Variants in CNOT1 observed in about 807,000 individuals in gnomAD.
CNOT1 encodes the protein CCR4-associated factor 1.
A neutral mutation model predicts 273.8 loss-of-function variants in CNOT1; 15 were observed. That is an observed-to-expected ratio of 0.05 (90% CI 0.04 to 0.08). The LOEUF (loss-of-function observed/expected upper bound fraction) is 0.08, where lower values mean the gene tolerates loss of function less well. Among genes scored for constraint, CNOT1 ranks in the 10% least tolerant of loss-of-function variants. The pLI is 1.00. For missense variants in CNOT1, 1,644 were observed against 2,912.2 expected (o/e 0.56, Z 10.02); for synonymous variants, 1,022 against 1,005.5 (o/e 1.02, Z -0.31).
rs148602852 is a variant in CNOT1, at chr16:58,549,776, C to A, written c.3465G>T (p.Thr1155=). The A allele has an allele frequency of 6.2e-7, 1 of 1,613,696 alleles. No individual in the cohort carries two copies. Residue 1155 remains threonine, a synonymous_variant, in exon 25 of 49, where the codon ACG becomes ACT. Transcript: ENST00000317147. ...TCTTGTTAAATTCAGGATTCTTCAG[C>A]GTGTCAAGGAAGTTTGAATACAGGC... is the stretch of plus-strand genomic sequence containing the variant. ...FHSLYSNFLD[T]LKNPEFNKMV... is the part of the protein sequence containing the mutation.
intron 25 of CNOT1, chr16:58,548,754 G>A (rs1352832724): frequency 7.5e-6 from 3 of 402,418 alleles, no homozygotes; most frequent in Admixed American, 3.0e-5. Flanking sequence ...CTTGAATTTT[G>A]TTGAATAAGC....
Position 58,614,023 on chromosome 16 carries a change from C to T in CNOT1, c.-174-14512G>A, listed in dbSNP as rs1286900898. Among the ~76,000 whole-genome samples the T allele has an allele frequency of 5.6e-5, 6 of 107,112 alleles. 2 individuals carry two copies. Among genetic ancestry groups the T allele is most frequent in the Non-Finnish European group, 8.3e-5 (4 of 47,936 alleles). The allele number at this position is 107,112 out of a possible 152,430, so 70.3% of individuals were successfully genotyped here. A position where few individuals can be genotyped will look rare whatever the true frequency, so the allele number is the denominator to read the frequency against. On this transcript the variant is annotated intron_variant, in intron 1 of 48. Coordinates refer to ENST00000317147, the MANE Select transcript of CNOT1 (RefSeq NM_016284.5). ...AGGAGAATGGCGTGAACCCGGGAGG[C>T]GGAGCTTGCAGTGAGCCAAGATCGC...
At chr16:58,592,766 A>G (rs2042107994) in intron 2 of CNOT1, among the ~76,000 whole-genome samples, 1 of 152,236 alleles carries the variant, frequency 6.6e-6, no homozygotes, top group Non-Finnish European at 1.5e-5. Flanking sequence ...CCAATGAGCC[A>G]TGAAAGAAAA....
chr16:58,587,067 G>T, intron 6 of CNOT1, 134 bp downstream of exon 6: 1 of 1,267,412 alleles, frequency 7.9e-7, no homozygotes, highest in Non-Finnish European at 1.1e-6. Flanking sequence ...TATATTACAT[G>T]TTTTTTACCA....
intron 1 of CNOT1, among the ~76,000 whole-genome samples, chr16:58,626,692 G>A (rs552786194): frequency 3.3e-5 from 5 of 151,410 alleles, no homozygotes; most frequent in East Asian, 3.9e-4. Context: ...CCCAGGAGGC[G>A]GAGGTTGTAG....
Position 58,539,924 on chromosome 16 carries a change from A to G in CNOT1, c.4836T>C (p.Tyr1612=). The G allele has an allele frequency of 2.5e-6, 4 of 1,613,244 alleles. No individual in the cohort carries two copies. The highest frequency in any genetic ancestry group is 2.2e-5 in the South Asian group (2 of 90,846). Residue 1612 remains tyrosine (Y), a synonymous_variant, in exon 35 of 49, where the codon TAT becomes TAC. Transcript: ENST00000317147. ...GCTCCAGTTCTGTAATACACTTATC[A>G]TAAATCTGAGCTACATCATCTGTTG... ...AWATDDVAQI[Y]DKCITELEQH...
At chr16:58,597,209 G>A (rs1435315347) in intron 2 of CNOT1, among the ~76,000 whole-genome samples, 1 of 151,932 alleles carries the variant, frequency 6.6e-6, no homozygotes, top group Non-Finnish European at 1.5e-5. Flanking sequence ...CAGCACTTTG[G>A]GAGCCTGTAA....
At position 58,555,836 on chromosome 16, in the gene CNOT1, T is replaced by C; in HGVS notation, c.2552A>G (p.Tyr851Cys). The change falls in exon 20 of 49, where the codon TAT becomes TGT. Residue 851 changes from tyrosine to cysteine, a missense_variant. Physicochemically the swap from Tyr to Cys is radical, Grantham distance 194 (BLOSUM62 -2). Transcript: ENST00000317147. ...SKEIDDEANS[Y>C]FQRIYNHPPH... ...TGGATGATTATATATTCGCTGGAAATAGCTGTTTGCTTCATCATCTATCTC... is the reference window on the plus strand; with the variant it reads ...TGGATGATTATATATTCGCTGGAAACAGCTGTTTGCTTCATCATCTATCTC... 6.2e-7 allele frequency: 1 copy of C among 1,614,042 alleles called. No individual in the cohort carries two copies. Among genetic ancestry groups the C allele is most frequent in the Non-Finnish European group, 8.5e-7 (1 of 1,180,022 alleles).
intron 33 of CNOT1, 71 bp downstream of exon 33, chr16:58,542,157 AAGG>A: frequency 6.5e-7 from 1 of 1,547,936 alleles, no homozygotes; most frequent in Non-Finnish European, 8.8e-7. Context: ...TAATTCCAGT[AAGG>A]AGTTCAATCA....
At chr16:58,549,927 C>T in intron 24 of CNOT1, 29 bp from the exon 25 acceptor site, 1 of 1,610,602 alleles carries the variant, frequency 6.2e-7, no homozygotes, top group South Asian at 1.1e-5. Flanking sequence ...ATGGGAAGCA[C>T]AGAATTACAC....
Position 58,532,696 on chromosome 16 carries a change from T to C in CNOT1, c.5896-301A>G, listed in dbSNP as rs563812651. 5 of 326,674 alleles carry C rather than the reference T, an allele frequency of 1.5e-5. No homozygotes were observed. The East Asian group carries it at 2.9e-4, about 19-fold the overall frequency. The allele number at this position is 326,674 out of a possible 1,614,324, so 20.2% of individuals were successfully genotyped here. A position where few individuals can be genotyped will look rare whatever the true frequency, so the allele number is the denominator to read the frequency against. ...CAGCAAGGCCCCTCACATTTCACCA[T>C]GTTAACACAATATAACAATCTAATT... On this transcript the variant is annotated intron_variant, in intron 40 of 48. Coordinates refer to ENST00000317147, the MANE Select transcript of CNOT1 (RefSeq NM_016284.5).
intron 42 of CNOT1, 177 bp from the exon 43 acceptor site, chr16:58,530,524 T>C: frequency 2.3e-6 from 1 of 433,546 alleles, no homozygotes; most frequent in Non-Finnish European, 4.1e-6. Context: ...GGCTGACGCC[T>C]GTAATCCCAG....
At chr16:58,611,429 C>CA (rs2042895433) in intron 1 of CNOT1, among the ~76,000 whole-genome samples, 1 of 148,290 alleles carries the variant, frequency 6.7e-6, no homozygotes, top group South Asian at 2.2e-4. Flanking sequence ...ACTCCATCTC[C>CA]AAAAAAAATA....
chr16:58,572,284 CAA>C (rs879400589), intron 16 of CNOT1, among the ~76,000 whole-genome samples: 2 of 129,220 alleles, frequency 1.5e-5, no homozygotes, highest in African/African-American at 2.9e-5. Flanking sequence ...AACTCCATCT[CAA>C]AAAAAAAAAA....
At chr16:58,626,626 G>A (rs2043596451) in intron 1 of CNOT1, among the ~76,000 whole-genome samples, 1 of 151,512 alleles carries the variant, frequency 6.6e-6, no homozygotes, top group Non-Finnish European at 1.5e-5. Flanking sequence ...TGGGTGCAGT[G>A]GTGCGCGCCT....
intron 2 of CNOT1, among the ~76,000 whole-genome samples, chr16:58,593,576 A>AC (rs2042140193): frequency 6.6e-6 from 1 of 151,048 alleles, no homozygotes; most frequent in Non-Finnish European, 1.5e-5. Flanking sequence ...GGGAAAAAAA[A>AC]AAAAAAAGTT....
At position 58,580,531 on chromosome 16, in the gene CNOT1, CTTCA is replaced by C. The variant is rs1422973051; in HGVS notation, c.1343+98_1343+101del. 1.5e-5 allele frequency: 21 copies of C among 1,444,954 alleles called. No individual in the cohort carries two copies. In the East Asian group the frequency reaches 5.3e-4, roughly 37 times the overall value. 89.5% of individuals were successfully genotyped at this position (1,444,954 alleles called of 1,614,324 possible). On this transcript the variant is annotated intron_variant, in intron 12 of 48. Coordinates refer to ENST00000317147, the MANE Select transcript of CNOT1 (RefSeq NM_016284.5). ...ATAAGTAAGGTCACTAAAACTACTG[CTTCA>C]TTTAAACCTGTTAACTATGTACTTG...
chr16:58,531,895 A>G, intron 42 of CNOT1, 63 bp downstream of exon 42: 3 of 1,569,424 alleles, frequency 1.9e-6, no homozygotes, highest in Non-Finnish European at 2.6e-6. Flanking sequence ...TCTATAGGCA[A>G]TGCTAATAAA....
Position 58,587,840 on chromosome 16 carries a change from T to C in CNOT1, c.249A>G (p.Thr83=). 1 of 1,613,826 alleles carries C rather than the reference T, an allele frequency of 6.2e-7. No individual in the cohort carries two copies. The highest frequency in any genetic ancestry group is 8.5e-7 in the Non-Finnish European group (1 of 1,180,018). The change falls in exon 4 of 49, where the codon ACA becomes ACG. Residue 83 remains threonine (T), a synonymous_variant. Coordinates refer to ENST00000317147, the MANE Select transcript of CNOT1 (RefSeq NM_016284.5). Reference sequence around the variant, plus strand: ...ACAGCGTCGAGATAAAATTTGGCTTTGTAATCAGCAACGCACACTCCTGAA... The same window carrying C: ...ACAGCGTCGAGATAAAATTTGGCTTCGTAATCAGCAACGCACACTCCTGAA... ...FLIQECALLI[T]KPNFISTLSY...
Sources: allele counts gnomAD v4.1 joint callset (sites outside exome capture counted in the v4.1 genomes callset), GRCh38; gene constraint gnomAD v4.1.1; transcripts MANE v1.5; gene names NCBI Gene and HGNC (gene_info 2026-07-23, HGNC 2026-07-21).